RNF167: variants seen among roughly 807,000 people sequenced by gnomAD.
RNF167 encodes ring finger protein 167.
RNF167 carries 19 observed loss-of-function variants against 34.8 expected under a neutral mutation model. That is an observed-to-expected ratio of 0.55 (90% CI 0.38 to 0.80). The LOEUF (loss-of-function observed/expected upper bound fraction) is 0.80. RNF167 is among the 30% of genes least tolerant of loss of function. RNF167 has a pLI of 0.00. For missense variants in RNF167, 464 were observed against 447.0 expected (o/e 1.04, Z -0.34); for synonymous variants, 200 against 170.4 (o/e 1.17, Z -1.35).
Position 4,942,467 on chromosome 17 carries a change from G to T in RNF167, c.291+1G>T. ...ATTCGACTGCAACTTTGACCTCAAG[G>T]TTGCTGAATGAGGAAGGGGAGCTGG... On this transcript the variant is annotated splice_donor_variant, in intron 4 of 9. Coordinates refer to ENST00000262482, the MANE Select transcript of RNF167 (RefSeq NM_015528.3). LOFTEE classifies it high-confidence loss of function. The T allele has an allele frequency of 1.9e-6, 3 of 1,614,108 alleles. No homozygotes were observed. The highest frequency in any genetic ancestry group is 2.5e-6 in the Non-Finnish European group (3 of 1,180,004).
chr17:4,945,073 CCA>C lies in RNF167; in HGVS notation c.*58_*59del. 1.4e-6 allele frequency: 2 copies of C among 1,420,006 alleles called. No individual in the cohort carries two copies. Among genetic ancestry groups the C allele is most frequent in the Non-Finnish European group, 1.9e-6 (2 of 1,053,390 alleles). 88.0% of individuals were successfully genotyped at this position (1,420,006 alleles called of 1,614,324 possible). The stretch of plus-strand genomic sequence containing the variant: ...ATTTGCACAGACCGTCGTCTTCCCT[CCA>C]GTCTTCTGAGGGATAGGGGACATTC... On this transcript the variant is annotated 3_prime_UTR_variant, in exon 10 of 10. Coordinates refer to ENST00000262482, the MANE Select transcript of RNF167 (RefSeq NM_015528.3).
At chr17:4,941,874 G>A (rs575019728) in intron 3 of RNF167, among the ~76,000 whole-genome samples, 91 of 152,080 alleles carry the variant, frequency 6.0e-4, no homozygotes, top group Admixed American at 9.8e-4. Context: ...CCGAGATCGC[G>A]CCACTGCACT....
At chr17:4,940,152 A>G, upstream of RNF167, 2 of 407,256 alleles carry the variant, frequency 4.9e-6, no homozygotes, top group Non-Finnish European at 8.6e-6. Flanking sequence ...TTTGGAAACC[A>G]GAGGAAAGGC....
At chr17:4,941,258 G>T (rs1199453424) in intron 3 of RNF167, 101 bp downstream of exon 3, 2 of 1,097,812 alleles carry the variant, frequency 1.8e-6, no homozygotes, top group East Asian at 2.6e-5. Context: ...CTAGGCTGGG[G>T]TTGGGGAGGT....
In RNF167 at chr17:4,944,635, CATGGTG is replaced by C; in HGVS notation, c.750_751+4del. On this transcript the variant is annotated splice_donor_variant and splice_donor_region_variant and coding_sequence_variant and intron_variant, in exon 9 of 10. Transcript: ENST00000262482. LOFTEE classifies it high-confidence loss of function. The stretch of plus-strand genomic sequence containing the variant: ...CAAGCTGCGGGTACTCCCCTGTGCT[CATGGTG>C]AGGCCCTCACTGCCTGCCCATGCCC... 1 of 1,614,092 alleles carries C rather than the reference CATGGTG, an allele frequency of 6.2e-7. No individual in the cohort carries two copies. Among genetic ancestry groups the C allele is most frequent in the Non-Finnish European group, 8.5e-7 (1 of 1,179,988 alleles).
rs758417391 is a variant in RNF167, at chr17:4,942,560, C to T, written c.292-17C>T. 7 of 1,613,904 alleles carry T rather than the reference C, an allele frequency of 4.3e-6. No homozygotes were observed. The highest frequency in any genetic ancestry group is 1.1e-5 in the South Asian group (1 of 91,076). On this transcript the variant is annotated splice_polypyrimidine_tract_variant and intron_variant, in intron 4 of 9. Coordinates refer to ENST00000262482, the MANE Select transcript of RNF167 (RefSeq NM_015528.3). ...AAGGCCCATGATGGCTCCTTGTCCTCTGCCTTGTCTCCCTAGGTCCTAAAT... is the reference window on the plus strand; with the variant it reads ...AAGGCCCATGATGGCTCCTTGTCCTTTGCCTTGTCTCCCTAGGTCCTAAAT...
At position 4,943,304 on chromosome 17, in the gene RNF167, T is replaced by C; in HGVS notation, c.576+20T>C. On this transcript the variant is annotated intron_variant, in intron 7 of 9. Coordinates refer to ENST00000262482, the MANE Select transcript of RNF167 (RefSeq NM_015528.3). Reference sequence around the variant, plus strand: ...GTAATGGTGAGTAGCTGAGGGAACATGATGGGAAGCACTGAGGCCTGTGAG... The same window carrying C: ...GTAATGGTGAGTAGCTGAGGGAACACGATGGGAAGCACTGAGGCCTGTGAG... The C allele has an allele frequency of 6.2e-7, 1 of 1,609,206 alleles. No individual in the cohort carries two copies. The highest frequency in any genetic ancestry group is 8.5e-7 in the Non-Finnish European group (1 of 1,175,730).
chr17:4,945,044 A>C lies in RNF167; in HGVS notation c.*28A>C. The C allele has an allele frequency of 6.7e-7, 1 of 1,494,990 alleles. No homozygotes were observed. The allele number at this position is 1,494,990 out of a possible 1,614,324, so 92.6% of individuals were successfully genotyped here. On this transcript the variant is annotated 3_prime_UTR_variant, in exon 10 of 10. Coordinates refer to ENST00000262482, the MANE Select transcript of RNF167 (RefSeq NM_015528.3). The stretch of plus-strand genomic sequence containing the variant: ...ACCCCCCACACATACACCTCTGGTG[A>C]CCTATTTGCACAGACCGTCGTCTTC...
At chr17:4,942,259 T>C (rs746076556) in intron 3 of RNF167, 82 bp from the exon 4 acceptor site, 4 of 1,494,362 alleles carry the variant, frequency 2.7e-6, no homozygotes, top group Non-Finnish European at 3.7e-6. Context: ...GTGCAGCATG[T>C]GGGCTGGTGT....
intron 3 of RNF167, 100 bp downstream of exon 3, chr17:4,941,257 G>A: frequency 1.8e-6 from 2 of 1,093,100 alleles, no homozygotes; most frequent in Non-Finnish European, 2.7e-6. Context: ...CCTAGGCTGG[G>A]GTTGGGGAGG....
At position 4,943,535 on chromosome 17, in the gene RNF167, G is replaced by A. The variant is rs1312937507; in HGVS notation, c.670+16G>A. On this transcript the variant is annotated intron_variant, in intron 8 of 9. Transcript: ENST00000262482. ...TATCAGAAGGGTGAGGGGGTTAGGG[G>A]AGAAGAGGGCTTTTCCCACAGTTTA... The A allele has an allele frequency of 1.3e-6, 2 of 1,593,446 alleles. No individual in the cohort carries two copies. The highest frequency in any genetic ancestry group is 3.4e-5 in the Admixed American group (2 of 59,404).
chr17:4,944,080 C>T (rs560378049), intron 8 of RNF167, among the ~76,000 whole-genome samples: 5 of 152,214 alleles, frequency 3.3e-5, no homozygotes, highest in Admixed American at 2.6e-4. Context: ...ATAAATACAA[C>T]GAAGACGGGA....
At position 4,944,571 on chromosome 17, in the gene RNF167, T is replaced by C. The variant is rs1455974249; in HGVS notation, c.684T>C (p.Asp228=). 6 of 1,604,240 alleles carry C rather than the reference T, an allele frequency of 3.7e-6. No homozygotes were observed. The highest frequency in any genetic ancestry group is 2.2e-5 in the East Asian group (1 of 44,770). The change falls in exon 9 of 10, where the codon GAT becomes GAC. Residue 228 remains aspartate, a synonymous_variant. Coordinates refer to ENST00000262482, the MANE Select transcript of RNF167 (RefSeq NM_015528.3). ...TTTCTGTCCCAGGAGACCAGTATGA[T>C]GTCTGTGCCATTTGCCTGGATGAAT... ...THDYQKGDQY[D]VCAICLDEYE...
chr17:4,941,148 G>A lies in RNF167; in HGVS notation c.156G>A (p.Glu52=), dbSNP rs1292798072. ...TGTTTGGGGCTACCTTGAGCCAGGA[G>A]GGCCTCCAGGTGATTTTCTTTCTTT... ...PALFGATLSQ[E]GLQGFLVEAH... The change falls in exon 3 of 10, where the codon GAG becomes GAA. Residue 52 remains glutamate (E), a synonymous_variant. Coordinates refer to ENST00000262482, the MANE Select transcript of RNF167 (RefSeq NM_015528.3). 1.9e-6 allele frequency: 3 copies of A among 1,613,606 alleles called. No individual in the cohort carries two copies. Among genetic ancestry groups the A allele is most frequent in the South Asian group, 1.1e-5 (1 of 91,080 alleles).
chr17:4,942,902 G>C lies in RNF167; in HGVS notation c.431G>C (p.Ser144Thr). Residue 144 changes from serine to threonine, a missense_variant, in exon 6 of 10, where the codon AGC becomes ACC. Transcript: ENST00000262482. ...WIPSVFIGER[S>T]SEYLRALFVY... ...CCGTCTGTATTTATTGGGGAGAGAA[G>C]CTCCGAGTACCTGCGTGCCCTCTTT... is the stretch of plus-strand genomic sequence containing the variant. 1 of 1,614,154 alleles carries C rather than the reference G, an allele frequency of 6.2e-7. No individual in the cohort carries two copies. Among genetic ancestry groups the C allele is most frequent in the African/African-American group, 1.3e-5 (1 of 75,044 alleles).
In RNF167 at chr17:4,945,069, C is replaced by T. The variant is rs1971283333; in HGVS notation, c.*53C>T. On this transcript the variant is annotated 3_prime_UTR_variant, in exon 10 of 10. Coordinates refer to ENST00000262482, the MANE Select transcript of RNF167 (RefSeq NM_015528.3). ...ACCTATTTGCACAGACCGTCGTCTT[C>T]CCTCCAGTCTTCTGAGGGATAGGGG... The T allele has an allele frequency of 7.0e-7, 1 of 1,433,356 alleles. No individual in the cohort carries two copies. The highest frequency in any genetic ancestry group is 2.4e-5 in the East Asian group (1 of 42,120). The allele number at this position is 1,433,356 out of a possible 1,614,324, so 88.8% of individuals were successfully genotyped here. A position where few individuals can be genotyped will look rare whatever the true frequency, so the allele number is the denominator to read the frequency against.
Position 4,940,858 on chromosome 17 carries a change from G to T in RNF167, c.-52G>T. ...AGGGAGGGCGCAGAACTCCGCTTCT[G>T]CTCCTTGCTACCAGGACGCGCGGCC... On this transcript the variant is annotated 5_prime_UTR_variant, in exon 2 of 10. Coordinates refer to ENST00000262482, the MANE Select transcript of RNF167 (RefSeq NM_015528.3). 6.7e-7 allele frequency: 1 copy of T among 1,492,580 alleles called. No individual in the cohort carries two copies. The highest frequency in any genetic ancestry group is 9.0e-7 in the Non-Finnish European group (1 of 1,109,372). The allele number at this position is 1,492,580 out of a possible 1,614,324, so 92.5% of individuals were successfully genotyped here.
chr17:4,943,017 T>A, intron 6 of RNF167, 76 bp downstream of exon 6: 1 of 1,425,022 alleles, frequency 7.0e-7, no homozygotes, highest in Non-Finnish European at 9.9e-7. Context: ...GCCTCCTCAT[T>A]ACCCGAACCA....
upstream of RNF167, chr17:4,940,115 G>A: frequency 2.3e-6 from 1 of 437,984 alleles, no homozygotes. Flanking sequence ...GAGCTTGATG[G>A]AAGCGTGCGA....
Sources: gnomAD v4.1 joint callset for allele counts (sites outside exome capture counted in the v4.1 genomes callset) on GRCh38, gnomAD v4.1.1 for gene constraint, MANE v1.5 for transcripts, NCBI Gene and HGNC (gene_info 2026-07-23, HGNC 2026-07-21) for gene names.